Variants in NEGR1 observed in about 807,000 individuals in gnomAD.
NEGR1 encodes the protein IgLON family member 4.
NEGR1 carries 10 observed loss-of-function variants against 40.9 expected under a neutral mutation model. That is an observed-to-expected ratio of 0.24 (90% CI 0.15 to 0.42). NEGR1 has a LOEUF of 0.42. Ranked by LOEUF, NEGR1 falls within the 10% of genes least tolerant of loss-of-function variation. The probability of loss-of-function intolerance (pLI) is 1.00; values close to 1 mark genes in which losing one functional copy is unlikely to be tolerated. For missense variants in NEGR1, 352 were observed against 438.9 expected (o/e 0.80, Z 1.77); for synonymous variants, 185 against 166.8 (o/e 1.11, Z -0.84).
At chr1:72,003,487 T>A (rs1031838820) in intron 1 of NEGR1, among the ~76,000 whole-genome samples, 2 of 151,838 alleles carry the variant, frequency 1.3e-5, no homozygotes, top group African/African-American at 4.8e-5. Context: ...GCAAGTAAAA[T>A]TAAAGACATT....
intron 5 of NEGR1, among the ~76,000 whole-genome samples, chr1:71,594,299 CTT>C (rs985144742): frequency 6.6e-6 from 1 of 152,124 alleles, no homozygotes; most frequent in African/African-American, 2.4e-5. Flanking sequence ...GTTTTTCTCT[CTT>C]TAATGTGTTC....
chr1:72,108,045 A>G (rs1455350987), intron 1 of NEGR1, among the ~76,000 whole-genome samples: 1 of 151,632 alleles, frequency 6.6e-6, no homozygotes, highest in African/African-American at 2.4e-5. Flanking sequence ...TTCAGTAAAA[A>G]TAAAAGCTTC....
intron 1 of NEGR1, among the ~76,000 whole-genome samples, chr1:72,269,558 A>G (rs1447353200): frequency 6.6e-6 from 1 of 151,726 alleles, no homozygotes; most frequent in African/African-American, 2.4e-5. Context: ...AGCTGTAATA[A>G]AGTTCGGAAA....
At chr1:71,749,399 T>C (rs1192567209) in intron 3 of NEGR1, among the ~76,000 whole-genome samples, 4 of 152,212 alleles carry the variant, frequency 2.6e-5, no homozygotes, top group Admixed American at 2.6e-4. Context: ...GTGAGTAAAA[T>C]GAACATAATA....
chr1:71,519,724 T>A (rs1166755753), intron 6 of NEGR1, among the ~76,000 whole-genome samples: 7 of 81,080 alleles, frequency 8.6e-5, no homozygotes, highest in African/African-American at 2.1e-4. Flanking sequence ...ACACTTAGAG[T>A]ATAATAAAAA....
rs146135243 is a variant in NEGR1, at chr1:71,737,741, C to T, written c.535+38431G>A. ...AAATATTTTTCAGTCTTTGTTCTTA[C>T]AGGCAAAGACAAAAAAGATAGCTAA... On this transcript the variant is annotated intron_variant, in intron 3 of 6. Coordinates refer to ENST00000357731, the MANE Select transcript of NEGR1 (RefSeq NM_173808.3). Among the ~76,000 whole-genome samples the T allele has an allele frequency of 3.8e-3, 571 of 152,232 alleles. 3 individuals are homozygous for T. The highest frequency in any genetic ancestry group is 0.012 in the African/African-American group (510 of 41,540).
At position 71,856,448 on chromosome 1, in the gene NEGR1, CAT is replaced by C. The variant is rs1491201990; in HGVS notation, c.409+78629_409+78630del. Among the ~76,000 whole-genome samples the C allele has an allele frequency of 3.5e-4, 54 of 152,148 alleles. No homozygotes were observed. In the East Asian group the frequency reaches 4.5e-3, roughly 13 times the overall value. On this transcript the variant is annotated intron_variant, in intron 2 of 6. Transcript: ENST00000357731. ...TTTATTTATTCATTCATTTAACAAACATGTGTTCTCTATTGTGTGTCAGATAC... is the reference window on the plus strand; with the variant it reads ...TTTATTTATTCATTCATTTAACAAACGTGTTCTCTATTGTGTGTCAGATAC...
chr1:72,251,704 G>GT (rs1196720757), intron 1 of NEGR1, among the ~76,000 whole-genome samples: 4 of 151,830 alleles, frequency 2.6e-5, no homozygotes, highest in Admixed American at 2.0e-4. Flanking sequence ...CATAATCATT[G>GT]TTTTTTTTCC....
intron 4 of NEGR1, among the ~76,000 whole-genome samples, chr1:71,656,556 G>A (rs1021183419): frequency 4.6e-5 from 7 of 152,104 alleles, no homozygotes; most frequent in African/African-American, 1.7e-4. Context: ...GGGATTACAG[G>A]CGCCCGCCAC....
intron 6 of NEGR1, among the ~76,000 whole-genome samples, chr1:71,413,138 G>A (rs1042366667): frequency 6.6e-6 from 1 of 152,118 alleles, no homozygotes; most frequent in African/African-American, 2.4e-5. Flanking sequence ...ATCTTCATTT[G>A]CAAATGAGGA....
intron 3 of NEGR1, among the ~76,000 whole-genome samples, chr1:71,766,119 G>T (rs1417538512): frequency 6.8e-6 from 1 of 147,970 alleles, no homozygotes; most frequent in Non-Finnish European, 1.5e-5. Flanking sequence ...GTTGCAGTGA[G>T]CCAAGATCGT....
chr1:71,470,299 C>T (rs1390653916), intron 6 of NEGR1, among the ~76,000 whole-genome samples: 1 of 151,952 alleles, frequency 6.6e-6, no homozygotes, highest in Admixed American at 6.6e-5. Flanking sequence ...AAAATGCAAC[C>T]CTTTGTATGT....
intron 2 of NEGR1, among the ~76,000 whole-genome samples, chr1:71,786,495 A>G (rs905246136): frequency 2.0e-5 from 3 of 152,180 alleles, no homozygotes; most frequent in Non-Finnish European, 2.9e-5. Context: ...TGCCTTCCTT[A>G]CGGGAAACAT....
intron 2 of NEGR1, among the ~76,000 whole-genome samples, chr1:71,865,990 T>C (rs1453826022): frequency 6.6e-6 from 1 of 152,178 alleles, no homozygotes; most frequent in Non-Finnish European, 1.5e-5. Context: ...TCTGTGTTGA[T>C]TATGTTATTT....
chr1:71,928,455 TAC>T (rs1185529241), intron 2 of NEGR1, among the ~76,000 whole-genome samples: 1 of 137,598 alleles, frequency 7.3e-6, no homozygotes, highest in Non-Finnish European at 1.6e-5. Context: ...TATGTATATA[TAC>T]ACACATACTT....
intron 2 of NEGR1, among the ~76,000 whole-genome samples, chr1:71,929,527 G>A (rs898617990): frequency 1.3e-5 from 2 of 152,108 alleles, no homozygotes; most frequent in Non-Finnish European, 2.9e-5. Context: ...GATCCAATAT[G>A]AGAGTCTTGT....
chr1:71,493,940 C>G (rs926901724), intron 6 of NEGR1, among the ~76,000 whole-genome samples: 2 of 152,172 alleles, frequency 1.3e-5, no homozygotes, highest in Non-Finnish European at 2.9e-5. Flanking sequence ...TTCACTTATT[C>G]ACATTTCCAA....
At chr1:71,820,659 T>A (rs1032053195) in intron 2 of NEGR1, among the ~76,000 whole-genome samples, 2 of 151,934 alleles carry the variant, frequency 1.3e-5, no homozygotes, top group Non-Finnish European at 2.9e-5. Context: ...AAATGTACAA[T>A]CAAGAATGAC....
intron 6 of NEGR1, among the ~76,000 whole-genome samples, chr1:71,586,538 T>C (rs1649313584): frequency 6.6e-6 from 1 of 152,176 alleles, no homozygotes; most frequent in African/African-American, 2.4e-5. Context: ...CCAATTTCTG[T>C]CAATTGACAA....
Sources: gnomAD v4.1 joint callset for allele counts (sites outside exome capture counted in the v4.1 genomes callset) on GRCh38, gnomAD v4.1.1 for gene constraint, MANE v1.5 for transcripts, NCBI Gene and HGNC (gene_info 2026-07-23, HGNC 2026-07-21) for gene names.